Variants in ANKRD20A1 observed in about 807,000 individuals in gnomAD.
The protein encoded by ANKRD20A1 is ankyrin repeat domain 20 family member A1.
Under a neutral mutation model 50.9 loss-of-function variants are expected in ANKRD20A1, and 2 were observed. The ratio of observed to expected loss-of-function variants is 0.04; its 90% CI spans 0.02 to 0.12. ANKRD20A1 has a LOEUF of 0.12. ANKRD20A1 is among the 10% of genes least tolerant of loss of function. The pLI, the probability that ANKRD20A1 is intolerant of heterozygous loss-of-function variation, is 1.00. For missense variants in ANKRD20A1, 31 were observed against 548.1 expected, an observed-to-expected ratio of 0.06 and a Z score of 9.42; for synonymous variants, 10 against 186.2, an observed-to-expected ratio of 0.05 and a Z score of 7.70.
chr9:67,862,973 A>G lies in ANKRD20A1; in HGVS notation c.236A>G (p.His79Arg). 5 of 590,156 alleles carry G rather than the reference A, an allele frequency of 8.5e-6. 1 individual carries two copies. Among genetic ancestry groups the G allele is most frequent in the Non-Finnish European group, 1.2e-5 (5 of 428,368 alleles). 36.6% of individuals were successfully genotyped at this position (590,156 alleles called of 1,614,324 possible). A position where few individuals can be genotyped will look rare whatever the true frequency, so the allele number is the denominator to read the frequency against. The change falls in exon 2 of 15, where the codon CAT becomes CGT. Residue 79 changes from histidine to arginine, a missense_variant. Transcript: ENST00000562196. The stretch of plus-strand genomic sequence containing the variant: ...CTACACTTGGCCTGTACCAGTGGCC[A>G]TGTGCAAGTGGTCACTCTCCTGGTT... Reference protein sequence around the residue: ...TALHLACTSGHVQVVTLLVNR... With the variant: ...TALHLACTSGRVQVVTLLVNR...
intron 8 of ANKRD20A1, among the ~76,000 whole-genome samples, chr9:67,880,999 C>A (rs11262086): frequency 7.5e-6 from 1 of 133,116 alleles, no homozygotes; most frequent in East Asian, 2.7e-4. Context: ...CAAGAATATT[C>A]AGCACATAGC....
At chr9:67,881,054 G>A (rs1199066913) in intron 8 of ANKRD20A1, among the ~76,000 whole-genome samples, 1 of 146,436 alleles carries the variant, frequency 6.8e-6, no homozygotes, top group East Asian at 2.2e-4. Flanking sequence ...GTATCATATT[G>A]TTTTTACGAG....
At position 67,864,680 on chromosome 9, in the gene ANKRD20A1, A is replaced by C. The variant is rs1367819971; in HGVS notation, c.492+1289A>C. 1.5e-3 allele frequency among the ~76,000 whole-genome samples: 69 copies of C among 45,222 alleles called. 29 individuals are homozygous for C. Among genetic ancestry groups the C allele is most frequent in the Non-Finnish European group, 2.4e-3 (55 of 22,982 alleles). The allele number at this position is 45,222 out of a possible 152,430, so 29.7% of individuals were successfully genotyped here. A position where few individuals can be genotyped will look rare whatever the true frequency, so the allele number is the denominator to read the frequency against. On this transcript the variant is annotated intron_variant, in intron 3 of 14. Transcript: ENST00000562196. Reference sequence around the variant, plus strand: ...AGCCAAAAAAAAAAAAAAAAACCCCAAAAAAACAAAAAACCTTCAAGGTTG... The same window carrying C: ...AGCCAAAAAAAAAAAAAAAAACCCCCAAAAAACAAAAAACCTTCAAGGTTG...
intron 8 of ANKRD20A1, among the ~76,000 whole-genome samples, chr9:67,880,925 A>G (rs1485202457): frequency 3.0e-5 from 3 of 99,226 alleles, no homozygotes; most frequent in Non-Finnish European, 6.4e-5. Flanking sequence ...TTATGCCTGT[A>G]TAAATCTTCA....
intron 11 of ANKRD20A1, among the ~76,000 whole-genome samples, chr9:67,890,619 G>A (rs879371963): frequency 9.1e-3 from 1,312 of 143,518 alleles, no homozygotes; most frequent in East Asian, 0.018. Flanking sequence ...CATGCACTAT[G>A]AGTATGGGTT....
chr9:67,898,495 A>T (rs1313356053), intron 13 of ANKRD20A1, among the ~76,000 whole-genome samples: 55 of 122,422 alleles, frequency 4.5e-4, no homozygotes, highest in Non-Finnish European at 7.1e-4. Flanking sequence ...ACATGCATTA[A>T]TTATATATTA....
chr9:67,866,061 A>T (rs1490096135), intron 3 of ANKRD20A1, among the ~76,000 whole-genome samples: 2 of 150,762 alleles, frequency 1.3e-5, no homozygotes, highest in Non-Finnish European at 2.9e-5. Flanking sequence ...CAGACAGTAC[A>T]TCTTTCTCCT....
chr9:67,881,981 T>G (rs1827806575), intron 8 of ANKRD20A1, among the ~76,000 whole-genome samples: 1 of 133,284 alleles, frequency 7.5e-6, no homozygotes, highest in African/African-American at 2.6e-5. Context: ...TAAGAAGCAT[T>G]TTACTTGTTG....
intron 8 of ANKRD20A1, among the ~76,000 whole-genome samples, chr9:67,881,953 A>G (rs1748944805): frequency 7.1e-6 from 1 of 140,312 alleles, no homozygotes; most frequent in Non-Finnish European, 1.6e-5. Flanking sequence ...TGGAGTACCT[A>G]GAATACAGTC....
At position 67,900,462 on chromosome 9, in the gene ANKRD20A1, A is replaced by G; in HGVS notation, c.1498-31A>G. 3 of 948,148 alleles carry G rather than the reference A, an allele frequency of 3.2e-6. 1 individual carries two copies. The highest frequency in any genetic ancestry group is 1.8e-5 in the South Asian group (1 of 55,420). 58.7% of individuals were successfully genotyped at this position (948,148 alleles called of 1,614,324 possible). ...AGGTAATCATGATATTTTATTGAGT[A>G]CTAGCTAAAATTTTCTTTTGTTTTA... On this transcript the variant is annotated intron_variant, in intron 14 of 14. Coordinates refer to ENST00000562196, the MANE Select transcript of ANKRD20A1 (RefSeq NM_032250.5).
intron 9 of ANKRD20A1, among the ~76,000 whole-genome samples, chr9:67,885,374 G>A (rs1273212627): frequency 6.6e-6 from 1 of 152,294 alleles, no homozygotes; most frequent in Non-Finnish European, 1.5e-5. Flanking sequence ...TACTGGGGAG[G>A]CATTAAGGAT....
chr9:67,881,455 T>C (rs1827793873), intron 8 of ANKRD20A1, among the ~76,000 whole-genome samples: 1 of 150,408 alleles, frequency 6.6e-6, no homozygotes, highest in Non-Finnish European at 1.5e-5. Flanking sequence ...CATCATAATT[T>C]TGTCATTGTA....
intron 8 of ANKRD20A1, among the ~76,000 whole-genome samples, chr9:67,882,956 G>A (rs1286817142): frequency 4.0e-5 from 6 of 151,120 alleles, no homozygotes; most frequent in African/African-American, 1.2e-4. Context: ...TCCCTACAAA[G>A]GACATGAACT....
intron 8 of ANKRD20A1, among the ~76,000 whole-genome samples, chr9:67,882,212 G>T: frequency 6.6e-6 from 1 of 151,010 alleles, no homozygotes; most frequent in South Asian, 2.1e-4. Context: ...GTCTTTAACT[G>T]TTGGGCTCAA....
intron 11 of ANKRD20A1, among the ~76,000 whole-genome samples, chr9:67,891,461 G>A (rs1827946347): frequency 1.2e-5 from 1 of 83,760 alleles, no homozygotes; most frequent in South Asian, 5.3e-4. Context: ...AATTTGTAAA[G>A]TAATGAGCAG....
chr9:67,883,208 C>T (rs879384477), intron 8 of ANKRD20A1, among the ~76,000 whole-genome samples: 1,633 of 148,772 alleles, frequency 0.011, no homozygotes, highest in Non-Finnish European at 0.018. Context: ...TGAGGAATCA[C>T]CATACTGTCT....
In ANKRD20A1 at chr9:67,899,181, A is replaced by T; in HGVS notation, c.1351A>T (p.Asn451Tyr). Residue 451 changes from asparagine (N) to tyrosine (Y), a missense_variant, in exon 14 of 15, where the codon AAT becomes TAT. Physicochemically the swap from Asn to Tyr is moderately radical, Grantham distance 143 (BLOSUM62 -2). Coordinates refer to ENST00000562196, the MANE Select transcript of ANKRD20A1 (RefSeq NM_032250.5). ...AAAACAAGAAAATGAAGAAAAAACA[A>T]ATGTTAATATGCTGTACAAAAAAAA... ...TLKQENEEKT[N>Y]VNMLYKKNRE... 2.5e-6 allele frequency: 1 copy of T among 399,522 alleles called. No homozygotes were observed. The allele number at this position is 399,522 out of a possible 1,614,324, so 24.7% of individuals were successfully genotyped here.
At chr9:67,872,514 C>T (rs1257044541) in intron 6 of ANKRD20A1, among the ~76,000 whole-genome samples, 6 of 122,012 alleles carry the variant, frequency 4.9e-5, no homozygotes, top group African/African-American at 1.8e-4. Context: ...GATGAACTGC[C>T]TTTAATGGGT....
intron 9 of ANKRD20A1, among the ~76,000 whole-genome samples, chr9:67,884,903 CAAA>C (rs1208572209): frequency 2.0e-5 from 3 of 148,278 alleles, no homozygotes; most frequent in Non-Finnish European, 3.0e-5. Flanking sequence ...AAAAACAAAA[CAAA>C]AAAAGTCATT....
Sources: allele counts gnomAD v4.1 joint callset (sites outside exome capture counted in the v4.1 genomes callset), GRCh38; gene constraint gnomAD v4.1.1; transcripts MANE v1.5; gene names NCBI Gene and HGNC (gene_info 2026-07-23, HGNC 2026-07-21).